Variants in SEL1L2 observed in about 807,000 individuals in gnomAD.
The protein encoded by SEL1L2 is SEL1L2 adaptor subunit of SYVN1 ubiquitin ligase, also known as protein sel-1 homolog 2.
A neutral mutation model predicts 98.8 loss-of-function variants in SEL1L2; 89 were observed. The ratio of observed to expected loss-of-function variants is 0.90; its 90% CI spans 0.76 to 1.07. The LOEUF is 1.07. Among genes scored for constraint, SEL1L2 ranks in the 50% least tolerant of loss-of-function variants. The pLI, the probability that SEL1L2 is intolerant of heterozygous loss-of-function variation, is 0.00. For synonymous variants in SEL1L2, 262 were observed against 278.5 expected (o/e 0.94, Z 0.59); for missense variants, 788 against 812.0 (o/e 0.97, Z 0.36).
At chr20:13,913,737 T>C in intron 5 of SEL1L2, 45 bp downstream of exon 5, 1 of 1,451,844 alleles carries the variant, frequency 6.9e-7, no homozygotes, top group Non-Finnish European at 9.1e-7. Context: ...CTATAGTTAT[T>C]TCAGGATGGA....
chr20:13,981,301 G>A (rs1018088815), intron 1 of SEL1L2, among the ~76,000 whole-genome samples: 2 of 152,150 alleles, frequency 1.3e-5, no homozygotes, highest in Non-Finnish European at 2.9e-5. Flanking sequence ...CAGAGGCTGG[G>A]GAGGGGGGTG....
intron 5 of SEL1L2, among the ~76,000 whole-genome samples, chr20:13,889,843 C>T (rs1358576075): frequency 1.3e-5 from 2 of 152,150 alleles, no homozygotes; most frequent in Non-Finnish European, 2.9e-5. Flanking sequence ...CTTTTCTTCA[C>T]ATTAATTTTA....
intron 5 of SEL1L2, among the ~76,000 whole-genome samples, chr20:13,893,293 C>T (rs890572103): frequency 6.6e-6 from 1 of 152,134 alleles, no homozygotes; most frequent in African/African-American, 2.4e-5. Flanking sequence ...TAAAGTTCCC[C>T]CTTTTCCTCC....
At chr20:13,908,465 T>C (rs1289731441) in intron 5 of SEL1L2, among the ~76,000 whole-genome samples, 1 of 152,170 alleles carries the variant, frequency 6.6e-6, no homozygotes, top group Non-Finnish European at 1.5e-5. Context: ...TCCAACCTTC[T>C]TGTCTGGCAA....
Position 13,870,194 on chromosome 20 carries a change from T to C in SEL1L2, c.1114A>G (p.Ile372Val), listed in dbSNP as rs199815314. Reference protein sequence around the residue: ...FSMAASKGNAIGLHGLGLLYF... With the variant: ...FSMAASKGNAVGLHGLGLLYF... ...AGAAGACCAAGCCCATGAAGGCCGA[T>C]TGCATTGCCCTAGAAGAGTTTTATA... The change falls in exon 13 of 20, where the codon ATC becomes GTC. Residue 372 changes from isoleucine to valine, a missense_variant. Transcript: ENST00000284951. 15 of 1,611,012 alleles carry C rather than the reference T, an allele frequency of 9.3e-6. No individual in the cohort carries two copies. The highest frequency in any genetic ancestry group is 1.6e-4 in the Middle Eastern group (1 of 6,076).
chr20:13,886,448 A>T lies in SEL1L2; in HGVS notation c.746-6T>A, dbSNP rs372099663. 6.2e-7 allele frequency: 1 copy of T among 1,612,280 alleles called. No individual in the cohort carries two copies. Among genetic ancestry groups the T allele is most frequent in the Admixed American group, 1.7e-5 (1 of 59,734 alleles). ...TTTTTCAAATGTGTCAGCAACTGTG[A>T]ATAAAAACAAGCCAGAGAATAGCTA... On this transcript the variant is annotated splice_region_variant and splice_polypyrimidine_tract_variant and intron_variant, in intron 8 of 19. Coordinates refer to ENST00000284951, the MANE Select transcript of SEL1L2 (RefSeq NM_025229.2).
chr20:13,909,475 CA>C, intron 5 of SEL1L2, among the ~76,000 whole-genome samples: 1 of 152,278 alleles, frequency 6.6e-6, no homozygotes. Flanking sequence ...CTGAATCCAT[CA>C]AAGCACTGGA....
intron 5 of SEL1L2, among the ~76,000 whole-genome samples, chr20:13,909,976 A>G (rs2048145408): frequency 6.6e-6 from 1 of 152,124 alleles, no homozygotes; most frequent in South Asian, 2.1e-4. Flanking sequence ...GTCTCAAAAA[A>G]CCAAACCAAA....
chr20:13,941,186 G>A (rs1329774265), intron 2 of SEL1L2, among the ~76,000 whole-genome samples: 1 of 152,116 alleles, frequency 6.6e-6, no homozygotes, highest in Non-Finnish European at 1.5e-5. Flanking sequence ...AACAACTCTG[G>A]GAATGAGCTG....
rs1314210515 is a variant in SEL1L2 at position 13,919,941 on chromosome 20, G to A, written c.284-818C>T. Among the ~76,000 whole-genome samples, 8 of 98,738 alleles carry A rather than the reference G, an allele frequency of 8.1e-5. No individual in the cohort carries two copies. In the South Asian group the frequency reaches 1.6e-3, roughly 20 times the overall value. 64.8% of individuals were successfully genotyped at this position (98,738 alleles called of 152,430 possible). On this transcript the variant is annotated intron_variant, in intron 3 of 19. Coordinates refer to ENST00000284951, the MANE Select transcript of SEL1L2 (RefSeq NM_025229.2). ...CTCCGTCTCAAAAAAAAAAAAAAATGTTATTGGCCAGGTGAGGTGGCTCAC... is the reference window on the plus strand; with the variant it reads ...CTCCGTCTCAAAAAAAAAAAAAAATATTATTGGCCAGGTGAGGTGGCTCAC...
At chr20:13,904,675 C>T (rs2047840871) in intron 5 of SEL1L2, among the ~76,000 whole-genome samples, 1 of 152,154 alleles carries the variant, frequency 6.6e-6, no homozygotes, top group Non-Finnish European at 1.5e-5. Context: ...TGGTACTCCT[C>T]TCACCCTTGT....
chr20:13,885,289 A>G (rs1174115223), intron 10 of SEL1L2, 58 bp downstream of exon 10: 9 of 1,101,464 alleles, frequency 8.2e-6, no homozygotes, highest in Non-Finnish European at 1.3e-5. Context: ...CTTCCCTGCC[A>G]GCCTCCCTCA....
Position 13,886,498 on chromosome 20 carries a change from C to G in SEL1L2, c.746-56G>C, listed in dbSNP as rs144233581. ...AGAAAACAGAGGCTGCAAGAGATAA[C>G]AGTCAATTTAGAGAAAACACCGTTA... On this transcript the variant is annotated intron_variant, in intron 8 of 19. Transcript: ENST00000284951. The G allele has an allele frequency of 6.3e-5, 92 of 1,465,688 alleles. No homozygotes were observed. The East Asian group carries it at 2.1e-3, about 33-fold the overall frequency. 90.8% of individuals were successfully genotyped at this position (1,465,688 alleles called of 1,614,324 possible).
chr20:13,869,570 T>C lies in SEL1L2; in HGVS notation c.1188A>G (p.Lys396=), dbSNP rs370294237. Residue 396 remains lysine (K), a synonymous_variant, in exon 14 of 20, where the codon AAA becomes AAG. Transcript: ENST00000284951. The part of the protein sequence containing the change: ...GVPLNYAEAL[K]YFQKAAEKGW... ...CTTTTTCCGCAGCTTTCTGAAAGTA[T>C]TTAAGTGCTTCGGCATAATTCTGCA... is the stretch of plus-strand genomic sequence containing the variant. 2.2e-5 allele frequency: 36 copies of C among 1,613,982 alleles called. No individual in the cohort carries two copies. The African/African-American group carries it at 3.3e-4, about 15-fold the overall frequency.
chr20:13,993,030 C>A (rs769878738), upstream of SEL1L2, among the ~76,000 whole-genome samples: 2 of 152,122 alleles, frequency 1.3e-5, no homozygotes, highest in African/African-American at 2.4e-5. Flanking sequence ...ATAGTAAAGA[C>A]CACCAGAAAG....
intron 5 of SEL1L2, among the ~76,000 whole-genome samples, chr20:13,897,082 T>A (rs1357221751): frequency 6.6e-6 from 1 of 152,168 alleles, no homozygotes; most frequent in Non-Finnish European, 1.5e-5. Flanking sequence ...TGGAACAGAA[T>A]GCATAAAACA....
intron 2 of SEL1L2, among the ~76,000 whole-genome samples, chr20:13,951,474 A>G (rs796913972): frequency 2.3e-5 from 3 of 129,038 alleles, no homozygotes; most frequent in Non-Finnish European, 4.9e-5. Flanking sequence ...GGTGTCACGC[A>G]CCTACAGTCC....
chr20:13,935,516 G>A (rs961420592), intron 2 of SEL1L2, among the ~76,000 whole-genome samples: 5 of 152,286 alleles, frequency 3.3e-5, no homozygotes, highest in South Asian at 2.1e-4. Context: ...AGTTAGCCAC[G>A]CAAATAAACC....
chr20:13,922,059 ATTC>A (rs1455108751), intron 3 of SEL1L2, among the ~76,000 whole-genome samples: 4 of 152,190 alleles, frequency 2.6e-5, no homozygotes, highest in Non-Finnish European at 4.4e-5. Context: ...ATTGCTTTTG[ATTC>A]TTCACTTGTT....
Sources: allele counts gnomAD v4.1 joint callset (sites outside exome capture counted in the v4.1 genomes callset), GRCh38; gene constraint gnomAD v4.1.1; transcripts MANE v1.5; gene names NCBI Gene and HGNC (gene_info 2026-07-23, HGNC 2026-07-21).